The following PRUNE2 variants were observed in gnomAD, a reference collection of about 807,000 sequenced individuals.
PRUNE2 encodes the protein protein prune homolog 2.
PRUNE2 carries 164 observed loss-of-function variants against 252.0 expected under a neutral mutation model. That is an observed-to-expected ratio of 0.65 (90% CI 0.57 to 0.74). The LOEUF (loss-of-function observed/expected upper bound fraction) is 0.74. Ranked by LOEUF, PRUNE2 falls within the 30% of genes least tolerant of loss-of-function variation. The pLI is 0.00. For synonymous variants in PRUNE2, 1,292 were observed against 1,350.2 expected, an observed-to-expected ratio of 0.96 and a Z score of 0.94; for missense variants, 3,495 against 3,711.0, an observed-to-expected ratio of 0.94 and a Z score of 1.51.
intron 1 of PRUNE2, among the ~76,000 whole-genome samples, chr9:76,864,062 T>C (rs1235473000): frequency 5.3e-5 from 8 of 151,984 alleles, no homozygotes; most frequent in Admixed American, 1.3e-4. Context: ...CAAACGTGGA[T>C]TGGATAAAGA....
At chr9:76,795,746 T>C (rs1220162863) in intron 6 of PRUNE2, among the ~76,000 whole-genome samples, 3 of 152,170 alleles carry the variant, frequency 2.0e-5, no homozygotes, top group African/African-American at 7.2e-5. Flanking sequence ...TTTTAATGAA[T>C]CATGTAGTCC....
At chr9:76,830,517 T>C (rs912969471) in intron 4 of PRUNE2, among the ~76,000 whole-genome samples, 3 of 151,954 alleles carry the variant, frequency 2.0e-5, no homozygotes, top group African/African-American at 4.8e-5. Context: ...CTGGGCATGA[T>C]GGTGGGTGCC....
intron 9 of PRUNE2, among the ~76,000 whole-genome samples, chr9:76,685,001 C>G (rs1272421755): frequency 6.6e-6 from 1 of 152,166 alleles, no homozygotes; most frequent in Non-Finnish European, 1.5e-5. Flanking sequence ...ATCCACCCTG[C>G]TCGGCCTCCC....
chr9:76,756,785 C>T (rs1423282846), intron 6 of PRUNE2, among the ~76,000 whole-genome samples: 1 of 152,158 alleles, frequency 6.6e-6, no homozygotes, highest in Admixed American at 6.5e-5. Context: ...GAGAAAGCCT[C>T]CATCACCAGG....
At chr9:76,897,820 G>C (rs2062933920) in intron 1 of PRUNE2, among the ~76,000 whole-genome samples, 1 of 152,166 alleles carries the variant, frequency 6.6e-6, no homozygotes, top group Admixed American at 6.5e-5. Context: ...AATTTTAAAA[G>C]TATCTCTTAG....
Position 76,707,427 on chromosome 9 carries a change from C to T in PRUNE2, c.4847G>A (p.Arg1616His), listed in dbSNP as rs368679517. ...GATCTCTAAAAATGTAGGAGTTTTG[C>T]GATCAAAGCTCTTTTCAAACTCATT... The part of the protein sequence containing the change: ...RINEFEKSFD[R>H]KTPTFLEIWN... The change falls in exon 8 of 19, where the codon CGC (arginine) becomes CAC (histidine). Residue 1616 changes from arginine (R) to histidine (H), a missense_variant. By Grantham distance (29) the Arg-to-His change is conservative. Transcript: ENST00000376718. The T allele has an allele frequency of 1.7e-5, 27 of 1,613,666 alleles. No homozygotes were observed. The highest frequency in any genetic ancestry group is 1.6e-4 in the South Asian group (15 of 91,076).
chr9:76,647,463 A>G (rs545115574), intron 11 of PRUNE2, among the ~76,000 whole-genome samples: 1 of 152,336 alleles, frequency 6.6e-6, no homozygotes, highest in Admixed American at 6.5e-5. Flanking sequence ...CCTTGGATGC[A>G]AAGATGACTT....
At chr9:76,854,487 G>A (rs558848514) in intron 1 of PRUNE2, among the ~76,000 whole-genome samples, 37 of 152,188 alleles carry the variant, frequency 2.4e-4, no homozygotes, top group African/African-American at 7.2e-4. Context: ...TCTCTGAGTC[G>A]TAATTTTTTT....
At chr9:76,678,783 G>C (rs1291480131) in intron 9 of PRUNE2, among the ~76,000 whole-genome samples, 3 of 152,190 alleles carry the variant, frequency 2.0e-5, no homozygotes, top group Non-Finnish European at 4.4e-5. Context: ...AGCCGAGATG[G>C]TGCCACTGCA....
At chr9:76,699,275 G>T (rs2045680228) in intron 9 of PRUNE2, among the ~76,000 whole-genome samples, 1 of 151,866 alleles carries the variant, frequency 6.6e-6, no homozygotes, top group African/African-American at 2.4e-5. Context: ...TTAACATATA[G>T]ATCAGATTTT....
At chr9:76,837,244 C>T (rs191489144) in intron 4 of PRUNE2, among the ~76,000 whole-genome samples, 32 of 152,084 alleles carry the variant, frequency 2.1e-4, no homozygotes, top group African/African-American at 6.3e-4. Flanking sequence ...GCGATTGAGA[C>T]CATCCTGGCC....
chr9:76,737,682 T>C (rs985955683), intron 6 of PRUNE2: 2 of 152,256 alleles, frequency 1.3e-5, no homozygotes. Flanking sequence ...GAGATTTCTT[T>C]TCTCTTCCAT....
chr9:76,622,914 A>G (rs193224733), intron 17 of PRUNE2, among the ~76,000 whole-genome samples: 1 of 152,374 alleles, frequency 6.6e-6, no homozygotes, highest in Admixed American at 6.5e-5. Context: ...CCTATCCTTT[A>G]ATTTTTAACA....
At chr9:76,876,929 G>T (rs1346856995) in intron 1 of PRUNE2, among the ~76,000 whole-genome samples, 1 of 152,156 alleles carries the variant, frequency 6.6e-6, no homozygotes. Flanking sequence ...TGTCTCCTCA[G>T]GATACCATAA....
At chr9:76,846,704 G>A in intron 3 of PRUNE2, 26 bp from the exon 4 acceptor site, 2 of 1,598,938 alleles carry the variant, frequency 1.3e-6, no homozygotes, top group Non-Finnish European at 1.7e-6. Context: ...AGGGGAGGAA[G>A]AGAAAGGGAT....
At chr9:76,803,404 T>C (rs1041563116) in intron 6 of PRUNE2, among the ~76,000 whole-genome samples, 1 of 152,228 alleles carries the variant, frequency 6.6e-6, no homozygotes, top group Non-Finnish European at 1.5e-5. Flanking sequence ...GAACAAGCAG[T>C]ACTTGTAAGT....
At chr9:76,660,781 C>CA (rs11432174) in intron 9 of PRUNE2, among the ~76,000 whole-genome samples, 33,008 of 101,046 alleles carry the variant, frequency 0.33, 4,752 homozygotes, top group Non-Finnish European at 0.38. Flanking sequence ...GACTCTGAAT[C>CA]AAAAAAAAAA....
At chr9:76,699,174 C>T (rs1166949308) in intron 9 of PRUNE2, among the ~76,000 whole-genome samples, 4 of 151,958 alleles carry the variant, frequency 2.6e-5, no homozygotes. Context: ...TTGCTCATAT[C>T]TATGGAAAGC....
intron 6 of PRUNE2, among the ~76,000 whole-genome samples, chr9:76,718,537 A>T (rs1305451299): frequency 6.6e-6 from 1 of 152,112 alleles, no homozygotes; most frequent in African/African-American, 2.4e-5. Flanking sequence ...GAAACACTTA[A>T]TTCCTTCACC....
Sources: gnomAD v4.1 joint callset for allele counts (sites outside exome capture counted in the v4.1 genomes callset) on GRCh38, gnomAD v4.1.1 for gene constraint, MANE v1.5 for transcripts, NCBI Gene and HGNC (gene_info 2026-07-23, HGNC 2026-07-21) for gene names.